Variants in EML5 observed in about 807,000 individuals in gnomAD.
EML5 encodes the protein EMAP like 5.
Under a neutral mutation model 250.0 loss-of-function variants are expected in EML5, and 120 were observed. The ratio of observed to expected loss-of-function variants is 0.48; its 90% CI spans 0.41 to 0.56. The LOEUF (loss-of-function observed/expected upper bound fraction) is 0.56, where lower values mean the gene tolerates loss of function less well. Among genes scored for constraint, EML5 ranks in the 20% least tolerant of loss-of-function variants. The probability of loss-of-function intolerance (pLI) is 0.00; values close to 1 mark genes in which losing one functional copy is unlikely to be tolerated. For missense variants in EML5, 2,006 were observed against 2,437.6 expected, an observed-to-expected ratio of 0.82 and a Z score of 3.73; for synonymous variants, 771 against 806.5, an observed-to-expected ratio of 0.96 and a Z score of 0.75.
intron 37 of EML5, 42 bp from the exon 38 acceptor site, chr14:88,621,343 A>T: frequency 6.2e-7 from 1 of 1,607,270 alleles, no homozygotes; most frequent in Non-Finnish European, 8.5e-7. Flanking sequence ...GTAATACAAC[A>T]GCTGCTTTTC....
At chr14:88,658,981 T>C (rs1361918983) in intron 25 of EML5, among the ~76,000 whole-genome samples, 2 of 152,174 alleles carry the variant, frequency 1.3e-5, no homozygotes, top group African/African-American at 4.8e-5. Flanking sequence ...TATATACCCA[T>C]GTAAATATCT....
intron 28 of EML5, among the ~76,000 whole-genome samples, chr14:88,647,513 A>T (rs2091408745): frequency 6.6e-6 from 1 of 152,022 alleles, no homozygotes; most frequent in Admixed American, 6.6e-5. Flanking sequence ...CCTGGGCAAC[A>T]CTGTGAGACC....
chr14:88,689,390 G>A (rs1345971314), intron 17 of EML5, among the ~76,000 whole-genome samples: 1 of 152,186 alleles, frequency 6.6e-6, no homozygotes. Flanking sequence ...GGAACAGTTT[G>A]TGTTGTCACA....
chr14:88,763,439 C>G (rs545291178), intron 1 of EML5, among the ~76,000 whole-genome samples: 14 of 152,166 alleles, frequency 9.2e-5, no homozygotes, highest in Admixed American at 2.6e-4. Flanking sequence ...CACACACCCC[C>G]CCAAGACTAA....
At position 88,715,660 on chromosome 14, in the gene EML5, C is replaced by CTT. The variant is rs1020317324; in HGVS notation, c.1188-467_1188-466dup. Among the ~76,000 whole-genome samples the CTT allele has an allele frequency of 6.4e-5, 9 of 141,664 alleles. No individual in the cohort carries two copies. The South Asian group carries it at 9.1e-4, about 14-fold the overall frequency. 92.9% of individuals were successfully genotyped at this position (141,664 alleles called of 152,430 possible). On this transcript the variant is annotated intron_variant, in intron 8 of 43. Transcript: ENST00000554922. Reference sequence around the variant, plus strand: ...ATTCATCTATATTACTTCAGTAATACTTTTTTTTTTTTTTTGAGACAGAGT... The same window carrying CTT: ...ATTCATCTATATTACTTCAGTAATACTTTTTTTTTTTTTTTTTGAGACAGAGT...
intron 25 of EML5, 137 bp from the exon 26 acceptor site, chr14:88,658,525 T>A: frequency 1.5e-6 from 1 of 675,200 alleles, no homozygotes; most frequent in South Asian, 2.6e-5. Context: ...GAGAAAATAC[T>A]GAAACTCAGC....
At chr14:88,711,923 A>G (rs2093414590) in intron 10 of EML5, among the ~76,000 whole-genome samples, 1 of 151,154 alleles carries the variant, frequency 6.6e-6, no homozygotes, top group Admixed American at 6.6e-5. Context: ...AGCCTGGGCA[A>G]CAGAGTGAGA....
At chr14:88,632,883 G>A (rs552137907) in intron 33 of EML5, among the ~76,000 whole-genome samples, 2 of 152,340 alleles carry the variant, frequency 1.3e-5, no homozygotes, top group Admixed American at 6.5e-5. Context: ...CACCTCATGT[G>A]TGTTGCTGGA....
At chr14:88,767,638 G>A (rs927872848) in intron 1 of EML5, among the ~76,000 whole-genome samples, 1 of 152,036 alleles carries the variant, frequency 6.6e-6, no homozygotes, top group African/African-American at 2.4e-5. Flanking sequence ...GTGTCTGCTT[G>A]TGGCCTACCT....
chr14:88,731,138 T>C (rs2093750293), intron 7 of EML5, among the ~76,000 whole-genome samples: 1 of 152,170 alleles, frequency 6.6e-6, no homozygotes, highest in Non-Finnish European at 1.5e-5. Flanking sequence ...GTCACATATG[T>C]ATACATGCGC....
intron 39 of EML5, chr14:88,619,916 C>G (rs569811331): frequency 1.3e-5 from 2 of 152,224 alleles, no homozygotes; most frequent in Non-Finnish European, 2.9e-5. Flanking sequence ...CTGCCTGCCT[C>G]GGCCTCCCAA....
intron 1 of EML5, among the ~76,000 whole-genome samples, chr14:88,780,580 TTTTTC>T (rs778941879): frequency 2.0e-5 from 3 of 152,028 alleles, no homozygotes; most frequent in Non-Finnish European, 4.4e-5. Flanking sequence ...AATCTTTTTT[TTTTTC>T]TTTTAAGATG....
At position 88,739,480 on chromosome 14, in the gene EML5, A is replaced by G. The variant is rs188337344; in HGVS notation, c.712-466T>C. ...TGGTATTTAATTATATGGATAGAACATAAAAGAAAATAAATTTAATTCCTA... is the reference window on the plus strand; with the variant it reads ...TGGTATTTAATTATATGGATAGAACGTAAAAGAAAATAAATTTAATTCCTA... On this transcript the variant is annotated intron_variant, in intron 5 of 43. Coordinates refer to ENST00000554922, the MANE Select transcript of EML5 (RefSeq NM_183387.3). 2.8e-3 allele frequency among the ~76,000 whole-genome samples: 420 copies of G among 152,332 alleles called. 1 individual carries two copies. The highest frequency in any genetic ancestry group is 4.8e-3 in the Non-Finnish European group (324 of 68,018).
rs1034866761 is a variant in EML5, at chr14:88,792,567, C to A, written c.-64G>T. The A allele has an allele frequency of 8.2e-7, 1 of 1,212,836 alleles. No individual in the cohort carries two copies. Among genetic ancestry groups the A allele is most frequent in the Non-Finnish European group, 1.0e-6 (1 of 971,442 alleles). 75.1% of individuals were successfully genotyped at this position (1,212,836 alleles called of 1,614,324 possible). On this transcript the variant is annotated 5_prime_UTR_variant, in exon 1 of 44. Transcript: ENST00000554922. This position sits in a 1 kb window ranked among gnomAD's most constrained non-coding sequence, Gnocchi z 6.9. ...GCGGCGACGGGAGGCGGCGGCGGCCCGGCAACGAAAGCCCTCCCGCTGGCT... is the reference window on the plus strand; with the variant it reads ...GCGGCGACGGGAGGCGGCGGCGGCCAGGCAACGAAAGCCCTCCCGCTGGCT...
At chr14:88,789,969 A>G (rs1032117947) in intron 1 of EML5, among the ~76,000 whole-genome samples, 2 of 152,244 alleles carry the variant, frequency 1.3e-5, no homozygotes, top group African/African-American at 4.8e-5. Flanking sequence ...TTACAGCAAC[A>G]TTGGTTTTCA....
At chr14:88,760,989 T>C (rs959186612) in intron 1 of EML5, among the ~76,000 whole-genome samples, 2 of 152,182 alleles carry the variant, frequency 1.3e-5, no homozygotes, top group Admixed American at 6.5e-5. Context: ...TTTACGTATG[T>C]TGACCTGGTA....
chr14:88,706,402 C>T lies in EML5; in HGVS notation c.1682G>A (p.Gly561Asp). 1 of 1,576,066 alleles carries T rather than the reference C, an allele frequency of 6.3e-7. No homozygotes were observed. Among genetic ancestry groups the T allele is most frequent in the South Asian group, 1.2e-5 (1 of 82,028 alleles). Residue 561 changes from glycine (G) to aspartate (D), a missense_variant, in exon 11 of 44, where the codon GGC becomes GAC. Physicochemically the swap from Gly to Asp is moderately conservative, Grantham distance 94. Transcript: ENST00000554922. The stretch of plus-strand genomic sequence containing the variant: ...GACATTAGTTACGTGAGCTGAATGG[C>T]CAATATATTTTCTAAACTTGGCCCC... Reference protein sequence around the residue: ...RKGAKFRKYIGHSAHVTNVRW... With the variant: ...RKGAKFRKYIDHSAHVTNVRW...
chr14:88,622,758 G>T, intron 36 of EML5, 40 bp from the exon 37 acceptor site: 5 of 1,413,004 alleles, frequency 3.5e-6, no homozygotes, highest in Middle Eastern at 1.8e-4. Flanking sequence ...TTCATTATTG[G>T]CTACTATAAT....
At position 88,620,884 on chromosome 14, in the gene EML5, C is replaced by G; in HGVS notation, c.5245G>C (p.Val1749Leu). The G allele has an allele frequency of 6.5e-7, 1 of 1,546,252 alleles. No homozygotes were observed. The highest frequency in any genetic ancestry group is 1.2e-5 in the South Asian group (1 of 80,932). ...KVNLGHAARTVCYSPEGDMVA... is the reference protein window; with the variant it reads ...KVNLGHAARTLCYSPEGDMVA... The stretch of plus-strand genomic sequence containing the variant: ...ATGTCCCCTTCAGGGCTGTAACACA[C>G]AGTACGAGCAGCATGTCCCAAATTC... The change falls in exon 39 of 44, where the codon GTG (valine) becomes CTG (leucine). Residue 1749 changes from valine (V) to leucine (L), a missense_variant. Coordinates refer to ENST00000554922, the MANE Select transcript of EML5 (RefSeq NM_183387.3). This position sits in a 1 kb window ranked among gnomAD's most constrained non-coding sequence, Gnocchi z 4.3.
Sources: allele counts gnomAD v4.1 joint callset (sites outside exome capture counted in the v4.1 genomes callset), GRCh38; gene constraint gnomAD v4.1.1; non-coding constraint Gnocchi (gnomAD v3.1); transcripts MANE v1.5; gene names NCBI Gene and HGNC (gene_info 2026-07-23, HGNC 2026-07-21).